The following ZNF704 variants were observed in gnomAD, a reference collection of about 807,000 sequenced individuals.
ZNF704 encodes glucocorticoid induced gene 1.
Under a neutral mutation model 44.7 loss-of-function variants are expected in ZNF704, and 10 were observed. That is an observed-to-expected ratio of 0.22 (90% CI 0.14 to 0.38). ZNF704 has a LOEUF of 0.38. Among genes scored for constraint, ZNF704 ranks in the 10% least tolerant of loss-of-function variants. ZNF704 has a pLI of 1.00. For synonymous variants in ZNF704, 211 were observed against 207.6 expected (o/e 1.02, Z -0.14); for missense variants, 390 against 545.5 (o/e 0.71, Z 2.84).
chr8:80,854,081 G>A (rs547836775), intron 1 of ZNF704, among the ~76,000 whole-genome samples: 6 of 152,214 alleles, frequency 3.9e-5, no homozygotes, highest in African/African-American at 9.6e-5. Flanking sequence ...CCACTGCCTC[G>A]TGACTGAATT....
At chr8:80,872,823 A>AC (rs887372721) in intron 1 of ZNF704, among the ~76,000 whole-genome samples, 1 of 151,584 alleles carries the variant, frequency 6.6e-6, no homozygotes, top group Non-Finnish European at 1.5e-5. Context: ...TTTAAATGCT[A>AC]CCCCCCACCC....
chr8:80,817,745 C>G (rs1808200404), intron 2 of ZNF704, among the ~76,000 whole-genome samples: 1 of 152,050 alleles, frequency 6.6e-6, no homozygotes, highest in Non-Finnish European at 1.5e-5. Flanking sequence ...TTTCAATTGT[C>G]CCTATCTTGA....
intron 2 of ZNF704, among the ~76,000 whole-genome samples, chr8:80,768,490 T>C (rs1188557095): frequency 1.3e-5 from 2 of 152,196 alleles, no homozygotes; most frequent in East Asian, 3.9e-4. Flanking sequence ...GCATATTCTT[T>C]TTAATTTTCT....
At chr8:80,653,908 C>A (rs547008075) in intron 7 of ZNF704, among the ~76,000 whole-genome samples, 10 of 152,196 alleles carry the variant, frequency 6.6e-5, no homozygotes, top group African/African-American at 2.4e-4. Flanking sequence ...AAGAACAAAG[C>A]TGGAGGCATC....
intron 4 of ZNF704, among the ~76,000 whole-genome samples, chr8:80,674,540 G>A (rs1253393147): frequency 6.6e-6 from 1 of 152,034 alleles, no homozygotes; most frequent in East Asian, 1.9e-4. Context: ...GGGGTGTTCT[G>A]GCTTTACAAC....
intron 2 of ZNF704, among the ~76,000 whole-genome samples, chr8:80,819,189 A>G (rs901190640): frequency 6.6e-6 from 1 of 152,142 alleles, no homozygotes; most frequent in Non-Finnish European, 1.5e-5. Context: ...TTTAAAACCT[A>G]ATTAACTTTC....
At chr8:80,852,450 T>C (rs1018591127) in intron 1 of ZNF704, among the ~76,000 whole-genome samples, 1 of 152,250 alleles carries the variant, frequency 6.6e-6, no homozygotes, top group Non-Finnish European at 1.5e-5. Flanking sequence ...AATGCATTAG[T>C]TGCTTTCTTG....
At chr8:80,702,815 G>A (rs551644734) in intron 2 of ZNF704, among the ~76,000 whole-genome samples, 18 of 152,256 alleles carry the variant, frequency 1.2e-4, no homozygotes, top group African/African-American at 4.1e-4. Flanking sequence ...GCAGGGCAGA[G>A]GTGAAAGTCG....
intron 2 of ZNF704, among the ~76,000 whole-genome samples, chr8:80,802,877 A>G (rs1807925274): frequency 6.6e-6 from 1 of 152,234 alleles, no homozygotes; most frequent in Non-Finnish European, 1.5e-5. Flanking sequence ...GTATTCAAAT[A>G]GGAAGAGAGG....
chr8:80,662,793 C>T (rs1052578903), intron 6 of ZNF704, among the ~76,000 whole-genome samples: 1 of 152,024 alleles, frequency 6.6e-6, no homozygotes, highest in African/African-American at 2.4e-5. Flanking sequence ...AAACAAAAAA[C>T]AAAACACAGC....
intron 5 of ZNF704, among the ~76,000 whole-genome samples, chr8:80,668,088 C>A (rs186381448): frequency 6.6e-6 from 1 of 152,190 alleles, no homozygotes; most frequent in African/African-American, 2.4e-5. Context: ...TACTTTTCCA[C>A]AGAAAGTTTT....
chr8:80,701,603 A>C (rs962689784), intron 2 of ZNF704, among the ~76,000 whole-genome samples: 9 of 151,176 alleles, frequency 6.0e-5, no homozygotes, highest in Non-Finnish European at 1.3e-4. Flanking sequence ...CTCCCCACTT[A>C]CATGCAAGGG....
intron 2 of ZNF704, among the ~76,000 whole-genome samples, chr8:80,697,148 T>C (rs1818739284): frequency 6.6e-6 from 1 of 152,142 alleles, no homozygotes; most frequent in Non-Finnish European, 1.5e-5. Flanking sequence ...ACTGGGAGAC[T>C]ACTCAAGGGT....
chr8:80,810,632 C>G lies in ZNF704; in HGVS notation c.221+10742G>C, dbSNP rs150345234. Among the ~76,000 whole-genome samples, 816 of 152,282 alleles carry G rather than the reference C, an allele frequency of 5.4e-3. 8 individuals carry two copies. Among genetic ancestry groups the G allele is most frequent in the African/African-American group, 0.019 (795 of 41,564 alleles). On this transcript the variant is annotated intron_variant, in intron 2 of 8. Coordinates refer to ENST00000327835, the MANE Select transcript of ZNF704 (RefSeq NM_001033723.3). ...TAACAACTAAAGAGGCTCTCTCAAA[C>G]TCTGGAAATGAAGCCTGCTTTGTTT...
chr8:80,845,913 G>C (rs1400187859), intron 1 of ZNF704, among the ~76,000 whole-genome samples: 1 of 151,810 alleles, frequency 6.6e-6, no homozygotes. Context: ...AAAATGGATG[G>C]GCCTATCTCC....
At chr8:80,877,713 C>T (rs1809375826), upstream of ZNF704, among the ~76,000 whole-genome samples, 1 of 152,140 alleles carries the variant, frequency 6.6e-6, no homozygotes, top group Non-Finnish European at 1.5e-5. Flanking sequence ...TTGTTGAGTC[C>T]TGACAAGTGC....
intron 2 of ZNF704, among the ~76,000 whole-genome samples, chr8:80,706,844 C>A (rs1198925810): frequency 2.0e-5 from 3 of 152,378 alleles, no homozygotes; most frequent in Admixed American, 6.5e-5. Flanking sequence ...CTTCTGGATA[C>A]ACCTGGGACA....
intron 2 of ZNF704, among the ~76,000 whole-genome samples, chr8:80,797,652 G>A (rs765413789): frequency 3.3e-5 from 5 of 152,112 alleles, no homozygotes; most frequent in South Asian, 2.1e-4. Context: ...GGAAGCCCAC[G>A]GAGGGTTTCC....
intron 2 of ZNF704, among the ~76,000 whole-genome samples, chr8:80,732,797 A>T (rs1024756808): frequency 1.3e-5 from 2 of 151,996 alleles, no homozygotes; most frequent in Non-Finnish European, 2.9e-5. Flanking sequence ...CTCTACTAAA[A>T]ATACAAAAAT....
Sources: gnomAD v4.1 joint callset for allele counts (sites outside exome capture counted in the v4.1 genomes callset) on GRCh38, gnomAD v4.1.1 for gene constraint, MANE v1.5 for transcripts, NCBI Gene and HGNC (gene_info 2026-07-23, HGNC 2026-07-21) for gene names.